The following DEPDC5 variants were observed in gnomAD, a reference collection of about 807,000 sequenced individuals.
DEPDC5 encodes DEP domain containing 5, GATOR1 subcomplex subunit, also known as GATOR1 complex protein DEPDC5.
DEPDC5 carries 73 observed loss-of-function variants against 217.3 expected under a neutral mutation model. The observed-to-expected ratio is 0.34, with a 90% CI of 0.28 to 0.41. The LOEUF is 0.41. DEPDC5 is among the 10% of genes least tolerant of loss of function. DEPDC5 has a pLI of 1.00. For synonymous variants in DEPDC5, 733 were observed against 756.7 expected (o/e 0.97, Z 0.51); for missense variants, 1,675 against 2,070.1 (o/e 0.81, Z 3.70).
chr22:31,819,431 A>G (rs2089467278), intron 22 of DEPDC5, among the ~76,000 whole-genome samples: 2 of 151,296 alleles, frequency 1.3e-5, no homozygotes, highest in South Asian at 4.2e-4. Flanking sequence ...AATTAGCTGT[A>G]TAAACCTGAG....
chr22:31,889,589 G>A (rs776266099), intron 38 of DEPDC5, among the ~76,000 whole-genome samples: 1 of 119,064 alleles, frequency 8.4e-6, no homozygotes, highest in Non-Finnish European at 1.6e-5. Flanking sequence ...TCGCTCTGTT[G>A]CCTATGCTGG....
chr22:31,794,501 C>T (rs530639802), intron 12 of DEPDC5, among the ~76,000 whole-genome samples: 1 of 152,196 alleles, frequency 6.6e-6, no homozygotes, highest in East Asian at 1.9e-4. Flanking sequence ...AAGTTTATGT[C>T]ATTAAAAAGT....
intron 34 of DEPDC5, 167 bp from the exon 35 acceptor site, chr22:31,873,088 T>G: frequency 7.3e-7 from 1 of 1,367,904 alleles, no homozygotes; most frequent in Non-Finnish European, 9.8e-7. Context: ...GGAAACCCCC[T>G]ATGAGATAAC....
chr22:31,802,842 A>G lies in DEPDC5; in HGVS notation c.1081+4A>G, dbSNP rs757563918. On this transcript the variant is annotated splice_donor_region_variant and intron_variant, in intron 15 of 42. Transcript: ENST00000651528. ...AAGCAGCGGATGATAGATAATGGTA[A>G]TGCTCTCTGGTTTGTGCCCTGTCTC... 9.4e-6 allele frequency: 15 copies of G among 1,595,680 alleles called. 1 individual carries two copies. In the South Asian group the frequency reaches 1.6e-4, roughly 17 times the overall value.
At chr22:31,810,419 G>A (rs894767738) in intron 19 of DEPDC5, 102 bp from the exon 20 acceptor site, 54 of 1,548,604 alleles carry the variant, frequency 3.5e-5, no homozygotes, top group Non-Finnish European at 4.4e-5. Flanking sequence ...GCCTCTGTTT[G>A]AAATGTATTT....
In DEPDC5 at chr22:31,845,102, G is replaced by A. The variant is rs1218471436; in HGVS notation, c.2886G>A (p.Gly962=). ...CCGCCACCAAGCGCATCACGGAGGG[G>A]GAGGCCCACTGCGACATCTATGGGG... ...CVTATKRITE[G]EAHCDIYGDR... is the part of the protein sequence containing the mutation. Residue 962 remains glycine (G), a synonymous_variant, in exon 30 of 43, where the codon GGG becomes GGA. Coordinates refer to ENST00000651528, the MANE Select transcript of DEPDC5 (RefSeq NM_001242896.3). 2 of 1,614,180 alleles carry A rather than the reference G, an allele frequency of 1.2e-6. No individual in the cohort carries two copies. Among genetic ancestry groups the A allele is most frequent in the Non-Finnish European group, 1.7e-6 (2 of 1,180,024 alleles).
intron 38 of DEPDC5, among the ~76,000 whole-genome samples, chr22:31,892,269 A>G (rs2093452013): frequency 6.6e-6 from 1 of 152,212 alleles, no homozygotes. Flanking sequence ...AAGGGGTTGG[A>G]TTACTTAGGG....
In DEPDC5 at chr22:31,907,278, A is replaced by ATC. The variant is rs1352247629; in HGVS notation, c.*783_*784dup. On this transcript the variant is annotated 3_prime_UTR_variant, in exon 43 of 43. Transcript: ENST00000651528. ...CTGCAGGCTCATGCTGTCAGAATGA[A>ATC]TCTTGCTAAATGGGTGAGCTCAGCT... The ATC allele has an allele frequency of 1.3e-5, 2 of 152,380 alleles. No homozygotes were observed. Among genetic ancestry groups the ATC allele is most frequent in the East Asian group, 3.9e-4 (2 of 5,188 alleles). 9.4% of individuals were successfully genotyped at this position (152,380 alleles called of 1,614,324 possible).
rs899330540 is a variant in DEPDC5 at position 31,788,103 on chromosome 22, TAAAA to T, written c.624+3232_624+3235del. ...AAAATTAAAAAATAATTAAAATAATTAAAAAAACAAATGGGCAAAGGACTTGAAT... is the reference window on the plus strand; with the variant it reads ...AAAATTAAAAAATAATTAAAATAATTAAACAAATGGGCAAAGGACTTGAAT... On this transcript the variant is annotated intron_variant, in intron 10 of 42. Coordinates refer to ENST00000651528, the MANE Select transcript of DEPDC5 (RefSeq NM_001242896.3). 1.4e-3 allele frequency among the ~76,000 whole-genome samples: 215 copies of T among 151,572 alleles called. 3 individuals are homozygous for T. Among genetic ancestry groups the T allele is most frequent in the Middle Eastern group, 3.4e-3 (1 of 294 alleles).
intron 33 of DEPDC5, among the ~76,000 whole-genome samples, chr22:31,870,199 A>G (rs1332075920): frequency 6.6e-6 from 1 of 152,226 alleles, no homozygotes; most frequent in African/African-American, 2.4e-5. Flanking sequence ...TGCTGTCCTC[A>G]TAAGGAGTGA....
chr22:31,784,449 G>A (rs1261215160), intron 9 of DEPDC5: 3 of 203,296 alleles, frequency 1.5e-5, no homozygotes, highest in African/African-American at 7.1e-5. Flanking sequence ...ACCAACATCG[G>A]GAAACCCCAT....
chr22:31,804,730 G>A lies in DEPDC5; in HGVS notation c.1144-112G>A, dbSNP rs143869021. On this transcript the variant is annotated intron_variant, in intron 16 of 42. Coordinates refer to ENST00000651528, the MANE Select transcript of DEPDC5 (RefSeq NM_001242896.3). ...GCTGGGATTACAGGCATGACCCACA[G>A]CGCCCAGCCCTAAAAAATTTTTTTT... 452 of 1,034,840 alleles carry A rather than the reference G, an allele frequency of 4.4e-4. 3 individuals are homozygous for A. The East Asian group carries it at 9.3e-3, about 21-fold the overall frequency. 64.1% of individuals were successfully genotyped at this position (1,034,840 alleles called of 1,614,324 possible). A position where few individuals can be genotyped will look rare whatever the true frequency, so the allele number is the denominator to read the frequency against.
chr22:31,760,502 C>A, intron 3 of DEPDC5, 154 bp from the exon 4 acceptor site: 1 of 651,458 alleles, frequency 1.5e-6, no homozygotes, highest in Non-Finnish European at 2.6e-6. Flanking sequence ...CCGCACCTGG[C>A]CGAGTTTCTT....
At chr22:31,891,119 CTGACAGGCTGAGCAAGGAATG>C (rs1490284238) in intron 38 of DEPDC5, 1 of 440,478 alleles carries the variant, frequency 2.3e-6, no homozygotes, top group African/African-American at 2.1e-5. Flanking sequence ...ATCTTAAAGA[CTGACAGGCTGAGCAAGGAATG>C]TTTTTATTTT....
chr22:31,798,457 G>A (rs1431741132), intron 13 of DEPDC5, 125 bp from the exon 14 acceptor site: 2 of 643,368 alleles, frequency 3.1e-6, no homozygotes, highest in East Asian at 4.2e-5. Flanking sequence ...GGTGGAGGTT[G>A]CAGTGAGCCA....
chr22:31,832,801 A>G (rs895553737), intron 24 of DEPDC5, among the ~76,000 whole-genome samples: 3 of 152,198 alleles, frequency 2.0e-5, no homozygotes, highest in African/African-American at 4.8e-5. Context: ...AGAGTTCCCT[A>G]TATCTTCTGG....
chr22:31,836,354 C>A (rs943973230), intron 25 of DEPDC5, among the ~76,000 whole-genome samples: 1 of 152,228 alleles, frequency 6.6e-6, no homozygotes, highest in African/African-American at 2.4e-5. Flanking sequence ...TCGGGACAGA[C>A]CCATGTGGTC....
rs113644467 is a variant in DEPDC5 at position 31,834,019 on chromosome 22, G to T, written c.2170+39G>T. On this transcript the variant is annotated intron_variant, in intron 25 of 42. Transcript: ENST00000651528. ...GCTGACTGGGGAAAGGGGTAGACAG[G>T]GAGTGTGGGGTGGTCAGAGCATGAG... The T allele has an allele frequency of 1.4e-5, 22 of 1,598,180 alleles. No homozygotes were observed. The African/African-American group carries it at 1.6e-4, about 12-fold the overall frequency.
chr22:31,754,984 G>A lies in DEPDC5; in HGVS notation c.58+5G>A. ...AGAAGGGCTTTGGGGGCAGTGGTCA[G>A]TATCGATTGGTCTTTAGAGGTTTTG... On this transcript the variant is annotated splice_donor_5th_base_variant and intron_variant, in intron 2 of 42. Transcript: ENST00000651528. 1 of 1,614,196 alleles carries A rather than the reference G, an allele frequency of 6.2e-7. No homozygotes were observed. Among genetic ancestry groups the A allele is most frequent in the Non-Finnish European group, 8.5e-7 (1 of 1,180,036 alleles).
Sources: gnomAD v4.1 joint callset for allele counts (sites outside exome capture counted in the v4.1 genomes callset) on GRCh38, gnomAD v4.1.1 for gene constraint, MANE v1.5 for transcripts, NCBI Gene and HGNC (gene_info 2026-07-23, HGNC 2026-07-21) for gene names.